CSMD2: variants seen among roughly 807,000 people sequenced by gnomAD.
CSMD2 encodes CUB and Sushi multiple domains 2.
Under a neutral mutation model 398.5 loss-of-function variants are expected in CSMD2, and 130 were observed. The observed-to-expected ratio is 0.33, with a 90% CI of 0.28 to 0.38. The LOEUF is 0.38. Ranked by LOEUF, CSMD2 falls within the 10% of genes least tolerant of loss-of-function variation. The probability of loss-of-function intolerance (pLI) is 1.00; values close to 1 mark genes in which losing one functional copy is unlikely to be tolerated. For missense variants in CSMD2, 3,829 were observed against 4,764.9 expected (o/e 0.80, Z 5.78); for synonymous variants, 1,828 against 1,908.5 (o/e 0.96, Z 1.10).
intron 62 of CSMD2, among the ~76,000 whole-genome samples, 197 bp downstream of exon 62, chr1:33,536,825 G>T (rs929822265): frequency 6.6e-6 from 1 of 152,240 alleles, no homozygotes; most frequent in Non-Finnish European, 1.5e-5. Flanking sequence ...TTCTCTGACG[G>T]ATGTTAGGGT....
intron 4 of CSMD2, among the ~76,000 whole-genome samples, chr1:33,920,805 G>A (rs1643911610): frequency 6.6e-6 from 1 of 152,198 alleles, no homozygotes; most frequent in Non-Finnish European, 1.5e-5. Context: ...GCCTCTTGAA[G>A]CTACCCCAAT....
intron 5 of CSMD2, among the ~76,000 whole-genome samples, chr1:33,873,966 T>C (rs1434092645): frequency 6.6e-6 from 1 of 152,234 alleles, no homozygotes; most frequent in African/African-American, 2.4e-5. Flanking sequence ...CTGGTAGACT[T>C]CAACCTGTTC....
chr1:33,864,170 G>GA (rs766743115), intron 5 of CSMD2: 3 of 1,573,330 alleles, frequency 1.9e-6, no homozygotes, highest in Admixed American at 1.9e-5. Flanking sequence ...ACTGAATCCA[G>GA]AAAAAAGGTG....
intron 4 of CSMD2, among the ~76,000 whole-genome samples, chr1:33,923,080 C>G (rs750833435): frequency 2.0e-5 from 3 of 152,076 alleles, no homozygotes; most frequent in Non-Finnish European, 4.4e-5. Flanking sequence ...TTGGAGCACT[C>G]CCTTAAAAAA....
intron 20 of CSMD2, among the ~76,000 whole-genome samples, chr1:33,715,443 G>A (rs922503867): frequency 1.3e-5 from 2 of 151,992 alleles, no homozygotes; most frequent in Admixed American, 6.5e-5. Context: ...CGTCTGCAAG[G>A]GCTTCTCCCT....
chr1:33,648,299 T>C (rs1298151207), intron 28 of CSMD2, among the ~76,000 whole-genome samples: 1 of 151,158 alleles, frequency 6.6e-6, no homozygotes, highest in African/African-American at 2.4e-5. Context: ...GAGGTGGAGT[T>C]TGCAGTCAGC....
At chr1:33,858,275 G>C (rs1299863069) in intron 5 of CSMD2, among the ~76,000 whole-genome samples, 1 of 152,216 alleles carries the variant, frequency 6.6e-6, no homozygotes, top group Non-Finnish European at 1.5e-5. Context: ...GATCAACCCA[G>C]ATTAGAAAAG....
At chr1:33,696,154 A>C (rs2149107216) in intron 24 of CSMD2, among the ~76,000 whole-genome samples, 1 of 152,350 alleles carries the variant, frequency 6.6e-6, no homozygotes, top group East Asian at 1.9e-4. Context: ...CTTTCCATGC[A>C]AATTACTATA....
intron 13 of CSMD2, among the ~76,000 whole-genome samples, chr1:33,753,526 G>T (rs549099852): frequency 1.3e-5 from 2 of 152,366 alleles, no homozygotes; most frequent in African/African-American, 4.8e-5. Flanking sequence ...AGGATGATGT[G>T]GAGTGGCAAT....
intron 3 of CSMD2, among the ~76,000 whole-genome samples, chr1:34,004,698 G>A (rs1452269050): frequency 6.6e-6 from 1 of 152,078 alleles, no homozygotes; most frequent in Non-Finnish European, 1.5e-5. Flanking sequence ...AGTACATCTT[G>A]CAATTGAGAA....
At chr1:33,772,478 G>T in intron 13 of CSMD2, 91 bp downstream of exon 13, 1 of 1,146,800 alleles carries the variant, frequency 8.7e-7, no homozygotes, top group Non-Finnish European at 1.3e-6. Flanking sequence ...AACCTGCAAG[G>T]TTCCCAGGGA....
chr1:33,822,992 TGG>T (rs1391034806), intron 7 of CSMD2, among the ~76,000 whole-genome samples: 2 of 152,184 alleles, frequency 1.3e-5, no homozygotes, highest in Non-Finnish European at 2.9e-5. Flanking sequence ...GAAGAACATA[TGG>T]CGGTTCCCTT....
chr1:33,739,010 G>C, intron 15 of CSMD2, 130 bp downstream of exon 15: 1 of 782,074 alleles, frequency 1.3e-6, no homozygotes, highest in Non-Finnish European at 2.0e-6. Flanking sequence ...GGGTGAGAGA[G>C]TGGCCCTTCG....
intron 44 of CSMD2, among the ~76,000 whole-genome samples, chr1:33,595,308 G>A (rs1170234165): frequency 1.3e-5 from 2 of 152,158 alleles, no homozygotes; most frequent in Non-Finnish European, 2.9e-5. Context: ...GTTTCCTCCT[G>A]ATTATGTTCA....
At chr1:33,967,452 C>A (rs551622228) in intron 3 of CSMD2, among the ~76,000 whole-genome samples, 1 of 147,246 alleles carries the variant, frequency 6.8e-6, no homozygotes, top group East Asian at 2.0e-4. Context: ...CAGGTGAACC[C>A]AGGCACAAGT....
intron 37 of CSMD2, among the ~76,000 whole-genome samples, chr1:33,618,865 G>A (rs569300869): frequency 7.8e-4 from 119 of 152,016 alleles, no homozygotes; most frequent in African/African-American, 2.8e-3. Context: ...ACCCCAGGTC[G>A]GCCAAGCAGA....
intron 3 of CSMD2, among the ~76,000 whole-genome samples, chr1:33,986,027 C>T (rs897223734): frequency 6.6e-6 from 1 of 152,190 alleles, no homozygotes; most frequent in African/African-American, 2.4e-5. Flanking sequence ...ACTGCCCCAA[C>T]CCAGGGAGCT....
chr1:34,096,391 G>A (rs1659307141), intron 1 of CSMD2, among the ~76,000 whole-genome samples: 1 of 152,060 alleles, frequency 6.6e-6, no homozygotes, highest in Non-Finnish European at 1.5e-5. Context: ...ATTCAACATA[G>A]CGTTGGAAGC....
intron 2 of CSMD2, among the ~76,000 whole-genome samples, chr1:34,077,928 G>A (rs1228512410): frequency 3.9e-5 from 6 of 151,936 alleles, no homozygotes; most frequent in African/African-American, 9.7e-5. Context: ...TGTAACCTCC[G>A]AATCTAAAAT....
Sources: allele counts gnomAD v4.1 joint callset (sites outside exome capture counted in the v4.1 genomes callset), GRCh38; gene constraint gnomAD v4.1.1; transcripts MANE v1.5; gene names NCBI Gene and HGNC (gene_info 2026-07-23, HGNC 2026-07-21).